The following VAV3 variants were observed in gnomAD, a reference collection of about 807,000 sequenced individuals.
VAV3 encodes guanine nucleotide exchange factor VAV3.
Under a neutral mutation model 131.2 loss-of-function variants are expected in VAV3, and 94 were observed. That is an observed-to-expected ratio of 0.72 (90% CI 0.61 to 0.85). VAV3 has a LOEUF of 0.85. Ranked by LOEUF, VAV3 falls within the 40% of genes least tolerant of loss-of-function variation. The pLI, the probability that VAV3 is intolerant of heterozygous loss-of-function variation, is 0.00. For missense variants in VAV3, 939 were observed against 1,002.7 expected (o/e 0.94, Z 0.86); for synonymous variants, 349 against 342.0 (o/e 1.02, Z -0.22).
At chr1:107,590,951 G>A (rs1002228320) in intron 25 of VAV3, among the ~76,000 whole-genome samples, 5 of 152,156 alleles carry the variant, frequency 3.3e-5, no homozygotes, top group African/African-American at 7.2e-5. Context: ...ATGTAAATTA[G>A]TTCATGCCAT....
intron 15 of VAV3, among the ~76,000 whole-genome samples, chr1:107,708,526 T>C (rs1327493847): frequency 5.3e-5 from 8 of 152,180 alleles, no homozygotes; most frequent in Admixed American, 4.6e-4. Context: ...GTTGACACTC[T>C]TAGGGCTTCA....
chr1:107,734,220 C>A (rs527315009), intron 15 of VAV3, among the ~76,000 whole-genome samples: 5 of 152,054 alleles, frequency 3.3e-5, no homozygotes, highest in African/African-American at 1.2e-4. Flanking sequence ...GCACTAAACA[C>A]GGAAAGGAAC....
At chr1:107,705,108 A>G (rs1660363804) in intron 15 of VAV3, 47 bp from the exon 16 acceptor site, 1 of 1,461,404 alleles carries the variant, frequency 6.8e-7, no homozygotes, top group African/African-American at 1.4e-5. Context: ...TTCACAACAA[A>G]GCTGCAATTT....
chr1:107,600,384 T>TAA (rs1651753525), intron 24 of VAV3, among the ~76,000 whole-genome samples: 3 of 152,218 alleles, frequency 2.0e-5, no homozygotes, highest in Non-Finnish European at 4.4e-5. Flanking sequence ...TTTGCTAATG[T>TAA]TTGTTAGTTT....
chr1:107,708,730 C>A (rs1660601811), intron 15 of VAV3, among the ~76,000 whole-genome samples: 1 of 152,080 alleles, frequency 6.6e-6, no homozygotes, highest in Admixed American at 6.6e-5. Flanking sequence ...ATATCTGATT[C>A]ATTTACTCCA....
At chr1:107,916,474 A>G (rs987491308) in intron 1 of VAV3, among the ~76,000 whole-genome samples, 3 of 152,236 alleles carry the variant, frequency 2.0e-5, no homozygotes, top group African/African-American at 7.2e-5. Flanking sequence ...GACCCTCTAA[A>G]GTTAACTAAT....
chr1:107,773,987 C>T (rs749768711), intron 4 of VAV3, among the ~76,000 whole-genome samples: 2 of 152,154 alleles, frequency 1.3e-5, no homozygotes, highest in Non-Finnish European at 2.9e-5. Flanking sequence ...GTCAACCTTG[C>T]TGAAGTCCTA....
At chr1:107,636,385 G>C (rs529381241) in intron 20 of VAV3, among the ~76,000 whole-genome samples, 34 of 152,246 alleles carry the variant, frequency 2.2e-4, no homozygotes, top group Admixed American at 7.2e-4. Flanking sequence ...TCTATAAGAA[G>C]AAACTGAAAG....
chr1:107,785,843 C>T (rs1665951443), intron 2 of VAV3, among the ~76,000 whole-genome samples: 2 of 152,140 alleles, frequency 1.3e-5, no homozygotes, highest in Admixed American at 1.3e-4. Context: ...CTAAACCAGA[C>T]CAGATGGTAA....
intron 1 of VAV3, among the ~76,000 whole-genome samples, chr1:107,900,176 T>C (rs1404035557): frequency 6.6e-6 from 1 of 152,150 alleles, no homozygotes; most frequent in East Asian, 1.9e-4. Flanking sequence ...TAGAAATACA[T>C]TTGCTACATA....
At chr1:107,755,656 G>A in intron 11 of VAV3, 143 bp from the exon 12 acceptor site, 1 of 610,858 alleles carries the variant, frequency 1.6e-6, no homozygotes, top group Non-Finnish European at 2.8e-6. Context: ...TGAATGCCCA[G>A]TCAATCAAAG....
At chr1:107,891,893 C>T (rs1007517255) in intron 1 of VAV3, among the ~76,000 whole-genome samples, 1 of 144,758 alleles carries the variant, frequency 6.9e-6, no homozygotes, top group African/African-American at 2.5e-5. Flanking sequence ...AGGCTGCTTT[C>T]AAGTCACCCA....
At chr1:107,690,288 T>C (rs759067830) in intron 17 of VAV3, among the ~76,000 whole-genome samples, 2 of 152,214 alleles carry the variant, frequency 1.3e-5, no homozygotes, top group Non-Finnish European at 2.9e-5. Context: ...CCATGTTCCA[T>C]GAGGGTTCTC....
At chr1:107,841,409 A>T (rs1668702583) in intron 2 of VAV3, among the ~76,000 whole-genome samples, 1 of 152,200 alleles carries the variant, frequency 6.6e-6, no homozygotes, top group Non-Finnish European at 1.5e-5. Flanking sequence ...AAGGCTGAGG[A>T]GAAACAGTAG....
intron 19 of VAV3, among the ~76,000 whole-genome samples, chr1:107,669,827 T>TA (rs1226236498): frequency 6.6e-6 from 1 of 152,104 alleles, no homozygotes; most frequent in Non-Finnish European, 1.5e-5. Context: ...TGAATGGTAA[T>TA]AAAAAACTCC....
At chr1:107,808,069 C>T (rs941850866) in intron 2 of VAV3, among the ~76,000 whole-genome samples, 11 of 152,224 alleles carry the variant, frequency 7.2e-5, no homozygotes, top group South Asian at 2.1e-4. Context: ...TGCATAGAAA[C>T]GATGCTTTCT....
intron 1 of VAV3, among the ~76,000 whole-genome samples, chr1:107,900,688 G>C (rs1433643616): frequency 1.3e-5 from 2 of 152,128 alleles, no homozygotes; most frequent in African/African-American, 4.8e-5. Context: ...TTTGTAAATG[G>C]TCCTATAAAT....
chr1:107,703,498 A>G (rs6684336), intron 17 of VAV3, among the ~76,000 whole-genome samples: 123,776 of 152,110 alleles, frequency 0.81, 51,224 homozygotes, highest in East Asian at 0.98. Context: ...TCATGCCAAG[A>G]TCTGTCACTT....
intron 15 of VAV3, among the ~76,000 whole-genome samples, chr1:107,718,314 T>C (rs996582175): frequency 6.6e-6 from 1 of 152,124 alleles, no homozygotes; most frequent in Non-Finnish European, 1.5e-5. Flanking sequence ...AACCCCATCA[T>C]CTCAGCCCAA....
Sources: allele counts gnomAD v4.1 joint callset (sites outside exome capture counted in the v4.1 genomes callset), GRCh38; gene constraint gnomAD v4.1.1; transcripts MANE v1.5; gene names NCBI Gene and HGNC (gene_info 2026-07-23, HGNC 2026-07-21).